EIF4G3: variants seen among roughly 807,000 people sequenced by gnomAD.
EIF4G3 encodes eIF-4-gamma 3.
A neutral mutation model predicts 186.4 loss-of-function variants in EIF4G3; 34 were observed. The ratio of observed to expected loss-of-function variants is 0.18; its 90% CI spans 0.14 to 0.24. EIF4G3 has a LOEUF of 0.24. EIF4G3 is among the 10% of genes least tolerant of loss of function. EIF4G3 has a pLI of 1.00. For missense variants in EIF4G3, 1,536 were observed against 1,948.5 expected (o/e 0.79, Z 3.99); for synonymous variants, 673 against 679.5 (o/e 0.99, Z 0.15).
intron 2 of EIF4G3, among the ~76,000 whole-genome samples, chr1:21,111,867 A>G (rs1035098975): frequency 2.6e-5 from 4 of 152,206 alleles, no homozygotes; most frequent in South Asian, 2.1e-4. Context: ...CTACAGAATA[A>G]TAACAGTTCT....
chr1:20,920,708 C>T (rs2094423863), intron 14 of EIF4G3, among the ~76,000 whole-genome samples: 1 of 152,196 alleles, frequency 6.6e-6, no homozygotes, highest in East Asian at 1.9e-4. Flanking sequence ...TCTGTTTCAT[C>T]TCCTATTCTG....
At chr1:20,814,236 G>A (rs887618969) in intron 34 of EIF4G3, among the ~76,000 whole-genome samples, 5 of 152,066 alleles carry the variant, frequency 3.3e-5, no homozygotes, top group African/African-American at 9.7e-5. Flanking sequence ...AAAGTGCTGG[G>A]ATTACAGGCA....
chr1:21,168,950 A>G (rs1381892004), intron 2 of EIF4G3, among the ~76,000 whole-genome samples: 1 of 151,956 alleles, frequency 6.6e-6, no homozygotes, highest in Non-Finnish European at 1.5e-5. Flanking sequence ...GGCCAAGGTG[A>G]GCAGGTGGCT....
chr1:21,102,997 T>C (rs1221602676), intron 2 of EIF4G3, among the ~76,000 whole-genome samples: 1 of 152,238 alleles, frequency 6.6e-6, no homozygotes, highest in African/African-American at 2.4e-5. Context: ...TATTATGCTT[T>C]AATTCTGACA....
intron 4 of EIF4G3, among the ~76,000 whole-genome samples, chr1:21,024,530 A>T (rs1295100395): frequency 6.6e-6 from 1 of 150,984 alleles, no homozygotes; most frequent in Non-Finnish European, 1.5e-5. Context: ...GAGACTTTTC[A>T]TTTTGTTCTG....
chr1:21,166,559 C>G (rs1007285545), intron 2 of EIF4G3, among the ~76,000 whole-genome samples: 1 of 152,006 alleles, frequency 6.6e-6, no homozygotes, highest in Non-Finnish European at 1.5e-5. Flanking sequence ...AACCCCATCT[C>G]TACTAAAAAT....
rs114977516 is a variant in EIF4G3 at position 21,005,231 on chromosome 1, A to G, written c.-66-2423T>C. 6.0e-3 allele frequency among the ~76,000 whole-genome samples: 913 copies of G among 152,276 alleles called. 3 individuals are homozygous for G. The highest frequency in any genetic ancestry group is 0.011 in the Non-Finnish European group (716 of 67,992). On this transcript the variant is annotated intron_variant, in intron 4 of 36. Transcript: ENST00000602326. ...GTATTTCTTCAACTTCTATTTGAGA[A>G]TCTGAATATAGTTTTAAAAGAGAGC...
intron 2 of EIF4G3, among the ~76,000 whole-genome samples, chr1:21,114,342 T>C (rs2096780090): frequency 6.6e-6 from 1 of 152,134 alleles, no homozygotes. Flanking sequence ...AGACGGGGTT[T>C]CACCATGTTG....
chr1:21,130,662 C>G (rs1255063979), intron 2 of EIF4G3, among the ~76,000 whole-genome samples: 1 of 151,944 alleles, frequency 6.6e-6, no homozygotes, highest in Non-Finnish European at 1.5e-5. Flanking sequence ...TTAGGAGACA[C>G]ACATATAGAA....
chr1:21,165,218 T>C (rs1002729671), intron 2 of EIF4G3, among the ~76,000 whole-genome samples: 13 of 152,232 alleles, frequency 8.5e-5, no homozygotes, highest in African/African-American at 3.1e-4. Context: ...GAAATCCTCA[T>C]ACATTGTTGG....
intron 31 of EIF4G3, among the ~76,000 whole-genome samples, chr1:20,828,265 T>C (rs535953804): frequency 6.8e-4 from 104 of 152,126 alleles, no homozygotes; most frequent in Non-Finnish European, 1.2e-3. Context: ...TTCCTGACCT[T>C]GTGATCCGCC....
At chr1:20,929,336 T>C (rs2095161997) in intron 14 of EIF4G3, 1 of 152,212 alleles carries the variant, frequency 6.6e-6, no homozygotes, top group Non-Finnish European at 1.5e-5. Context: ...AGAGGTCACC[T>C]TGAGATGTGT....
intron 33 of EIF4G3, among the ~76,000 whole-genome samples, chr1:20,818,856 C>CA (rs1046686042): frequency 2.0e-5 from 3 of 152,178 alleles, no homozygotes; most frequent in African/African-American, 7.2e-5. Flanking sequence ...GTGAAAACCA[C>CA]AGTCTTGAGT....
intron 14 of EIF4G3, among the ~76,000 whole-genome samples, chr1:20,930,718 A>G (rs539648493): frequency 1.6e-3 from 250 of 152,174 alleles, no homozygotes; most frequent in African/African-American, 5.6e-3. Flanking sequence ...TTCTAATTCT[A>G]GTTATTTTGC....
intron 21 of EIF4G3, 94 bp downstream of exon 21, chr1:20,865,022 A>G (rs1172734225): frequency 3.5e-6 from 5 of 1,421,660 alleles, no homozygotes; most frequent in Middle Eastern, 1.8e-4. Context: ...GGTCCCTCTT[A>G]AGGTAGCAGG....
At chr1:21,146,591 T>G (rs1573310532) in intron 2 of EIF4G3, among the ~76,000 whole-genome samples, 1 of 151,768 alleles carries the variant, frequency 6.6e-6, no homozygotes, top group South Asian at 2.1e-4. Context: ...CAGTCTCTAC[T>G]AAAAAATACA....
At chr1:20,877,710 T>A (rs2081263746) in intron 20 of EIF4G3, among the ~76,000 whole-genome samples, 2 of 152,258 alleles carry the variant, frequency 1.3e-5, no homozygotes, top group African/African-American at 4.8e-5. Flanking sequence ...TAATTAATTT[T>A]ATCCTTATAA....
intron 8 of EIF4G3, among the ~76,000 whole-genome samples, chr1:20,981,628 GTATA>G (rs2078144673): frequency 1.8e-5 from 2 of 110,256 alleles, no homozygotes; most frequent in Non-Finnish European, 3.8e-5. Flanking sequence ...ATACATACAT[GTATA>G]CGCACATACT....
Position 20,899,790 on chromosome 1 carries a change from C to G in EIF4G3, c.1906G>C (p.Gly636Arg), listed in dbSNP as rs1330141324. 3.7e-6 allele frequency: 6 copies of G among 1,614,100 alleles called. No individual in the cohort carries two copies. The highest frequency in any genetic ancestry group is 4.2e-6 in the Non-Finnish European group (5 of 1,180,012). The change falls in exon 16 of 37, where the codon GGT becomes CGT. Residue 636 changes from glycine to arginine, a missense_variant. Gly to Arg is a moderately radical substitution (Grantham distance 125). Coordinates refer to ENST00000602326, the MANE Select transcript of EIF4G3 (RefSeq NM_001391906.1). ...NGEEAEPVRN[G>R]AESVSEGEGI... ...TCACCCTCAGAAACACTCTCAGCAC[C>G]ATTACGTACTGGCTCAGCTTCTTCT...
Sources: allele counts gnomAD v4.1 joint callset (sites outside exome capture counted in the v4.1 genomes callset), GRCh38; gene constraint gnomAD v4.1.1; transcripts MANE v1.5; gene names NCBI Gene and HGNC (gene_info 2026-07-23, HGNC 2026-07-21).